SCHIP1: variants seen among roughly 807,000 people sequenced by gnomAD.
The protein encoded by SCHIP1 is schwannomin-interacting protein 1.
In SCHIP1, 8 loss-of-function variants were observed where a neutral mutation model predicts 29.7. The observed-to-expected ratio is 0.27, with a 90% CI of 0.16 to 0.49. The LOEUF is 0.49. Ranked by LOEUF, SCHIP1 falls within the 20% of genes least tolerant of loss-of-function variation. SCHIP1 has a pLI of 0.99. For missense variants in SCHIP1, 193 were observed against 294.6 expected, an observed-to-expected ratio of 0.66 and a Z score of 2.52; for synonymous variants, 76 against 94.9, an observed-to-expected ratio of 0.80 and a Z score of 1.16.
the SCHIP1 span, among the ~76,000 whole-genome samples, chr3:159,558,943 G>A: frequency 6.6e-6 from 1 of 152,108 alleles, no homozygotes; most frequent in Admixed American, 6.5e-5. Flanking sequence ...ATGAGCCCAG[G>A]AGTTCAAGAT....
At chr3:159,896,865 T>C in exon 7 of SCHIP1, 7 of 1,368,000 alleles carry the variant, frequency 5.1e-6, no homozygotes, top group Non-Finnish European at 6.9e-6. Context: ...CAGAAACAAA[T>C]ATCAGTGTTA....
the SCHIP1 span, among the ~76,000 whole-genome samples, chr3:159,566,889 G>A: frequency 1.3e-5 from 2 of 152,312 alleles, no homozygotes; most frequent in East Asian, 1.9e-4. Context: ...GGGAACATCT[G>A]CAGTTTTGCT....
the SCHIP1 span, among the ~76,000 whole-genome samples, chr3:159,679,280 C>A: frequency 1.3e-5 from 2 of 152,028 alleles, no homozygotes; most frequent in Non-Finnish European, 2.9e-5. Flanking sequence ...AATACAGCTA[C>A]TACCATGTTC....
intron 6 of SCHIP1, 48 bp from the exon 8 acceptor site, chr3:159,896,675 T>G (rs574826004): frequency 8.5e-6 from 13 of 1,521,616 alleles, no homozygotes; most frequent in Non-Finnish European, 1.1e-5. Flanking sequence ...GAAAAGCAGT[T>G]TGGATCTCTC....
the SCHIP1 span, among the ~76,000 whole-genome samples, chr3:159,621,068 TACTC>T: frequency 7.4e-4 from 112 of 152,332 alleles, 1 homozygote; most frequent in South Asian, 0.012. Flanking sequence ...AGTCATCTAT[TACTC>T]ACTATGATGG....
At chr3:159,618,096 ATC>A in the SCHIP1 span, among the ~76,000 whole-genome samples, 1 of 152,196 alleles carries the variant, frequency 6.6e-6, no homozygotes, top group Non-Finnish European at 1.5e-5. Context: ...ATCCTATCTT[ATC>A]TTCAAAATGA....
the SCHIP1 span, among the ~76,000 whole-genome samples, chr3:159,565,038 GT>G: frequency 6.6e-6 from 1 of 152,190 alleles, no homozygotes; most frequent in South Asian, 2.1e-4. Context: ...ATTTCAAATA[GT>G]TTTACAAACA....
the SCHIP1 span, among the ~76,000 whole-genome samples, chr3:159,326,370 A>G: frequency 6.5e-4 from 99 of 152,234 alleles, no homozygotes; most frequent in Non-Finnish European, 1.3e-3. Flanking sequence ...AAGTATTCCA[A>G]AAGTACATCA....
the SCHIP1 span, among the ~76,000 whole-genome samples, chr3:159,385,318 G>T: frequency 6.6e-6 from 1 of 152,286 alleles, no homozygotes; most frequent in South Asian, 2.1e-4. Flanking sequence ...AGCACTTTGG[G>T]AGGCTGAGTT....
At chr3:159,414,293 A>C in the SCHIP1 span, among the ~76,000 whole-genome samples, 1 of 152,212 alleles carries the variant, frequency 6.6e-6, no homozygotes, top group Non-Finnish European at 1.5e-5. Context: ...ACACGTCAAC[A>C]TTATGCCATG....
the SCHIP1 span, among the ~76,000 whole-genome samples, chr3:159,559,547 T>A: frequency 9.8e-5 from 15 of 152,318 alleles, 1 homozygote; most frequent in South Asian, 2.7e-3. Flanking sequence ...TGCTTATAGA[T>A]TTTAATGCAA....
chr3:159,400,730 C>T, the SCHIP1 span, among the ~76,000 whole-genome samples: 6 of 152,198 alleles, frequency 3.9e-5, no homozygotes, highest in Non-Finnish European at 7.4e-5. Flanking sequence ...AAACAATAAA[C>T]AATTGATGGA....
At chr3:159,744,829 A>C in the SCHIP1 span, among the ~76,000 whole-genome samples, 1 of 152,086 alleles carries the variant, frequency 6.6e-6, no homozygotes, top group Non-Finnish European at 1.5e-5. Context: ...AAAATAATAC[A>C]AAAAAATTAG....
the SCHIP1 span, among the ~76,000 whole-genome samples, chr3:159,529,140 T>C: frequency 6.6e-6 from 1 of 152,206 alleles, no homozygotes; most frequent in African/African-American, 2.4e-5. Flanking sequence ...TGCCAGACAC[T>C]ATTCAGGCAT....
intron 2 of SCHIP1, among the ~76,000 whole-genome samples, chr3:159,867,012 A>G (rs184369572): frequency 9.2e-5 from 14 of 152,278 alleles, no homozygotes; most frequent in African/African-American, 2.4e-4. Flanking sequence ...CTCCATTTCT[A>G]TGAAGCCCCA....
chr3:159,865,321 A>G (rs184103256), intron 1 of SCHIP1, among the ~76,000 whole-genome samples: 3 of 152,126 alleles, frequency 2.0e-5, no homozygotes, highest in South Asian at 4.1e-4. Flanking sequence ...ATCATTTTTA[A>G]TCTTCTCCCC....
At chr3:159,769,355 T>C in the SCHIP1 span, among the ~76,000 whole-genome samples, 5 of 152,232 alleles carry the variant, frequency 3.3e-5, no homozygotes, top group Admixed American at 6.5e-5. Flanking sequence ...TTTCTCTGTG[T>C]TTGTCCCTGA....
chr3:159,365,318 G>A, the SCHIP1 span, among the ~76,000 whole-genome samples: 21 of 152,152 alleles, frequency 1.4e-4, no homozygotes, highest in African/African-American at 3.1e-4. Flanking sequence ...ATATTGCTTC[G>A]TTATGGAGTG....
At chr3:159,761,346 G>A in the SCHIP1 span, among the ~76,000 whole-genome samples, 41 of 152,302 alleles carry the variant, frequency 2.7e-4, no homozygotes, top group African/African-American at 9.4e-4. Flanking sequence ...ATGGGGAAAG[G>A]TGCTGGAGCC....
Sources: gnomAD v4.1 joint callset for allele counts (sites outside exome capture counted in the v4.1 genomes callset) on GRCh38, gnomAD v4.1.1 for gene constraint, MANE v1.5 for transcripts, NCBI Gene and HGNC (gene_info 2026-07-23, HGNC 2026-07-21) for gene names.